The following TUSC3 variants were observed in gnomAD, a reference collection of about 807,000 sequenced individuals.
The protein encoded by TUSC3 is dolichyl-diphosphooligosaccharide--protein glycosyltransferase subunit TUSC3.
TUSC3 carries 45 observed loss-of-function variants against 44.8 expected under a neutral mutation model. The observed-to-expected ratio is 1.00, with a 90% confidence interval of 0.79 to 1.29. TUSC3 has a LOEUF of 1.29. TUSC3 is among the 50% of genes most tolerant of loss of function. The pLI is 0.00. For missense variants in TUSC3, 519 were observed against 437.9 expected (o/e 1.19, Z -1.65); for synonymous variants, 212 against 152.9 (o/e 1.39, Z -2.85).
chr8:15,765,377 T>A lies in TUSC3; in HGVS notation c.*1221T>A, dbSNP rs926122294. The stretch of plus-strand genomic sequence containing the variant: ...AGTGTTTGCTTTTTGTTTTTAAGGT[T>A]TGTTATCTAATTTTCATTAAGATTT... On this transcript the variant is annotated 3_prime_UTR_variant, in exon 11 of 11. Transcript: ENST00000503731. 6.6e-6 allele frequency: 1 copy of A among 152,000 alleles called. No individual in the cohort carries two copies. Among genetic ancestry groups the A allele is most frequent in the Non-Finnish European group, 1.5e-5 (1 of 67,926 alleles). 9.4% of individuals were successfully genotyped at this position (152,000 alleles called of 1,614,324 possible). A position where few individuals can be genotyped will look rare whatever the true frequency, so the allele number is the denominator to read the frequency against.
At chr8:15,568,697 G>T (rs1317655076) in intron 1 of TUSC3, among the ~76,000 whole-genome samples, 1 of 150,758 alleles carries the variant, frequency 6.6e-6, no homozygotes, top group Non-Finnish European at 1.5e-5. Flanking sequence ...CCATCTGCCA[G>T]GTTCAACTGA....
At chr8:15,432,624 A>G (rs1563249476) in intron 1 of TUSC3, among the ~76,000 whole-genome samples, 1 of 152,120 alleles carries the variant, frequency 6.6e-6, no homozygotes, top group Admixed American at 6.6e-5. Flanking sequence ...AGAAGCCTTT[A>G]TTATCATGGT....
intron 1 of TUSC3, among the ~76,000 whole-genome samples, chr8:15,432,737 C>A (rs1335750215): frequency 1.3e-5 from 2 of 151,898 alleles, no homozygotes; most frequent in Non-Finnish European, 2.9e-5. Flanking sequence ...CATCTCGGAT[C>A]CCCTCACCCC....
the TUSC3 span, among the ~76,000 whole-genome samples, chr8:15,778,241 T>C: frequency 1.3e-5 from 2 of 152,186 alleles, no homozygotes; most frequent in African/African-American, 2.4e-5. Context: ...ACTACACTTA[T>C]TCTGAAAACT....
At chr8:15,687,261 C>T (rs560184030) in intron 6 of TUSC3, among the ~76,000 whole-genome samples, 1 of 152,168 alleles carries the variant, frequency 6.6e-6, no homozygotes, top group South Asian at 2.1e-4. Flanking sequence ...ATACATCATG[C>T]AGCTCATCAT....
chr8:15,717,924 T>C (rs1476736404), intron 6 of TUSC3, among the ~76,000 whole-genome samples: 1 of 152,126 alleles, frequency 6.6e-6, no homozygotes, highest in Non-Finnish European at 1.5e-5. Context: ...GATTCTATTT[T>C]GCCTTGCATG....
intron 1 of TUSC3, among the ~76,000 whole-genome samples, chr8:15,592,939 C>T (rs1803913255): frequency 6.6e-6 from 1 of 152,084 alleles, no homozygotes; most frequent in South Asian, 2.1e-4. Flanking sequence ...GGTTCTTGAG[C>T]CCATGCACTT....
At chr8:15,541,885 A>G (rs1028979913) in intron 1 of TUSC3, among the ~76,000 whole-genome samples, 1 of 133,338 alleles carries the variant, frequency 7.5e-6, no homozygotes, top group African/African-American at 2.5e-5. Context: ...ATAAAAGATG[A>G]TGAAGAACTC....
chr8:15,554,533 C>G (rs542100908), intron 1 of TUSC3, among the ~76,000 whole-genome samples: 23 of 149,828 alleles, frequency 1.5e-4, no homozygotes, highest in African/African-American at 5.1e-4. Flanking sequence ...ATTTGGAGCT[C>G]TTAGTGCACT....
intron 2 of TUSC3, among the ~76,000 whole-genome samples, chr8:15,489,091 T>C (rs1800772738): frequency 6.6e-6 from 1 of 152,190 alleles, no homozygotes; most frequent in South Asian, 2.1e-4. Context: ...CAAGAGGTCC[T>C]GAAAACATGT....
chr8:15,465,683 A>G (rs1029453753), intron 1 of TUSC3, among the ~76,000 whole-genome samples: 3 of 152,198 alleles, frequency 2.0e-5, no homozygotes, highest in Non-Finnish European at 4.4e-5. Flanking sequence ...ATCTGCAAAC[A>G]CCTTTCATCA....
At chr8:15,562,181 A>C (rs1802500987) in intron 1 of TUSC3, among the ~76,000 whole-genome samples, 1 of 152,182 alleles carries the variant, frequency 6.6e-6, no homozygotes, top group Admixed American at 6.5e-5. Context: ...GTATCACTAC[A>C]CAATTACTGC....
rs62502112 is a variant in TUSC3, at chr8:15,672,197, T to A, written c.709-1550T>A. On this transcript the variant is annotated intron_variant, in intron 5 of 10. Transcript: ENST00000503731. ...AGGACATGGAGCTATTTAAGGAGTA[T>A]GGGAGCAAATTGTGGGGGGATTTGG... is the stretch of plus-strand genomic sequence containing the variant. Among the ~76,000 whole-genome samples the A allele has an allele frequency of 7.2e-3, 1,092 of 152,124 alleles. 7 individuals carry two copies. Among genetic ancestry groups the A allele is most frequent in the Non-Finnish European group, 0.011 (755 of 67,960 alleles).
chr8:15,644,514 C>G (rs979248119), intron 2 of TUSC3, among the ~76,000 whole-genome samples: 2 of 152,110 alleles, frequency 1.3e-5, no homozygotes, highest in Non-Finnish European at 2.9e-5. Flanking sequence ...CGTAATGTCT[C>G]ATTTTGCTCA....
At chr8:15,539,419 C>G (rs1350891004), upstream of TUSC3, among the ~76,000 whole-genome samples, 8 of 121,098 alleles carry the variant, frequency 6.6e-5, no homozygotes. Flanking sequence ...GTGGAGTGAT[C>G]TCGGCTCACT....
At chr8:15,478,074 C>T (rs1344346020) in intron 1 of TUSC3, among the ~76,000 whole-genome samples, 1 of 152,086 alleles carries the variant, frequency 6.6e-6, no homozygotes, top group Admixed American at 6.5e-5. Flanking sequence ...TCTCCTGCCT[C>T]AGCCTCTTGA....
chr8:15,569,271 C>T (rs1211641198), intron 1 of TUSC3, among the ~76,000 whole-genome samples: 6 of 152,056 alleles, frequency 3.9e-5, no homozygotes, highest in East Asian at 1.9e-4. Context: ...CACTGTTCTG[C>T]GTCTATATCT....
chr8:15,771,710 C>T, the TUSC3 span, among the ~76,000 whole-genome samples: 1 of 151,894 alleles, frequency 6.6e-6, no homozygotes, highest in Non-Finnish European at 1.5e-5. Context: ...CAAATGAAAA[C>T]AAAAATTCTA....
At chr8:15,459,006 A>G (rs1248204663) in intron 1 of TUSC3, among the ~76,000 whole-genome samples, 1 of 152,172 alleles carries the variant, frequency 6.6e-6, no homozygotes, top group Non-Finnish European at 1.5e-5. Flanking sequence ...TTTATTAAAG[A>G]CCTGTTGAGA....
Sources: allele counts gnomAD v4.1 joint callset (sites outside exome capture counted in the v4.1 genomes callset), GRCh38; gene constraint gnomAD v4.1.1; transcripts MANE v1.5; gene names NCBI Gene and HGNC (gene_info 2026-07-23, HGNC 2026-07-21).